DNAH2: variants seen among roughly 807,000 people sequenced by gnomAD.
DNAH2 encodes the protein dynein axonemal heavy chain 2, also known as axonemal beta dynein heavy chain 2.
Under a neutral mutation model 523.5 loss-of-function variants are expected in DNAH2, and 323 were observed. The observed-to-expected ratio is 0.62, with a 90% CI of 0.56 to 0.68. DNAH2 has a LOEUF of 0.68. Ranked by LOEUF, DNAH2 falls within the 30% of genes least tolerant of loss-of-function variation. The probability of loss-of-function intolerance (pLI) is 0.00; values close to 1 mark genes in which losing one functional copy is unlikely to be tolerated. For synonymous variants in DNAH2, 2,093 were observed against 2,177.4 expected, an observed-to-expected ratio of 0.96 and a Z score of 1.08; for missense variants, 4,907 against 5,701.5, an observed-to-expected ratio of 0.86 and a Z score of 4.49.
chr17:7,826,028 T>C (rs977462125), intron 77 of DNAH2, among the ~76,000 whole-genome samples: 37 of 152,024 alleles, frequency 2.4e-4, no homozygotes, highest in Admixed American at 2.2e-3. Flanking sequence ...AGATATGGAG[T>C]TCAGGTATGA....
chr17:7,782,498 G>C (rs1235629551), intron 39 of DNAH2, among the ~76,000 whole-genome samples: 1 of 152,098 alleles, frequency 6.6e-6, no homozygotes, highest in Non-Finnish European at 1.5e-5. Flanking sequence ...AATTATTTCT[G>C]GAGGAATGAA....
rs953410896 is a variant in DNAH2, at chr17:7,780,966, T to C, written c.6004-76T>C. On this transcript the variant is annotated intron_variant, in intron 38 of 85. Transcript: ENST00000572933. The surrounding 1 kb of genome is among the most constrained non-coding windows in gnomAD (Gnocchi z 4.4). ...TGGTGTATCCATTGTTCTTGGCACG[T>C]GCCCCGAAGCCCTTTGGAGGTGAAA... The C allele has an allele frequency of 6.2e-7, 1 of 1,607,542 alleles. No individual in the cohort carries two copies. Among genetic ancestry groups the C allele is most frequent in the Non-Finnish European group, 8.5e-7 (1 of 1,177,456 alleles).
chr17:7,804,863 C>A (rs1240237513), intron 59 of DNAH2, 95 bp from the exon 60 acceptor site: 43 of 1,084,740 alleles, frequency 4.0e-5, no homozygotes, highest in Middle Eastern at 2.1e-4. Flanking sequence ...AAAAAAAATT[C>A]TTTAGCTTTC....
chr17:7,833,082 G>T lies in DNAH2; in HGVS notation c.12990G>T (p.Trp4330Cys), dbSNP rs1167507451. 5 of 1,613,032 alleles carry T rather than the reference G, an allele frequency of 3.1e-6. No individual in the cohort carries two copies. The highest frequency in any genetic ancestry group is 4.2e-6 in the Non-Finnish European group (5 of 1,179,896). The change falls in exon 85 of 86, where the codon TGG (tryptophan) becomes TGT (cysteine). Residue 4330 changes from tryptophan (W) to cysteine (C), a missense_variant. Trp to Cys is a radical substitution (Grantham distance 215). Around this residue, in one of 3 missense-constraint regions of DNAH2, gnomAD observed 1,851 missense variants for 2,139.4 expected, o/e 0.87. Transcript: ENST00000572933. ...NLVYPPKDGV[W>C]VRGLYLEGAG... ...CCATTTCTCCCCAGGATGGTGTCTG[G>T]GTCCGGGGCCTGTACCTGGAAGGTG...
chr17:7,831,337 G>A lies in DNAH2; in HGVS notation c.12459+23G>A, dbSNP rs1414609156. On this transcript the variant is annotated intron_variant, in intron 80 of 85. Coordinates refer to ENST00000572933, the MANE Select transcript of DNAH2 (RefSeq NM_020877.5). The surrounding 1 kb of genome is among the most constrained non-coding windows in gnomAD (Gnocchi z 4.2). Reference sequence around the variant, plus strand: ...AAGGTAAAAAGAGCCGGGCCTGGGGGAGGGAAAGTGATGAGAAGAGGGGGC... The same window carrying A: ...AAGGTAAAAAGAGCCGGGCCTGGGGAAGGGAAAGTGATGAGAAGAGGGGGC... The A allele has an allele frequency of 1.9e-6, 3 of 1,613,856 alleles. No homozygotes were observed. The highest frequency in any genetic ancestry group is 2.5e-6 in the Non-Finnish European group (3 of 1,179,956).
intron 22 of DNAH2, 142 bp downstream of exon 22, chr17:7,766,623 A>C: frequency 1.4e-6 from 1 of 695,646 alleles, no homozygotes. Context: ...GGTAAAATTC[A>C]TACAACAAAA....
chr17:7,805,248 C>T lies in DNAH2; in HGVS notation c.9301-4C>T. 1 of 1,614,134 alleles carries T rather than the reference C, an allele frequency of 6.2e-7. No individual in the cohort carries two copies. Among genetic ancestry groups the T allele is most frequent in the Non-Finnish European group, 8.5e-7 (1 of 1,180,016 alleles). On this transcript the variant is annotated splice_region_variant and splice_polypyrimidine_tract_variant and intron_variant, in intron 60 of 85. Coordinates refer to ENST00000572933, the MANE Select transcript of DNAH2 (RefSeq NM_020877.5). Reference sequence around the variant, plus strand: ...TACCCTCACTTTATCCCCTTTTCCCCCAGGCCCTGGAGTCTCTGAACAAGA... The same window carrying T: ...TACCCTCACTTTATCCCCTTTTCCCTCAGGCCCTGGAGTCTCTGAACAAGA...
chr17:7,825,228 A>G (rs993133828), intron 77 of DNAH2, among the ~76,000 whole-genome samples: 2 of 152,098 alleles, frequency 1.3e-5, no homozygotes, highest in African/African-American at 4.8e-5. Context: ...CAATATCACA[A>G]GCTCATCACC....
chr17:7,830,482 C>A lies in DNAH2; in HGVS notation c.12036C>A (p.Ser4012=). ...ACATCATCTATGGCTTCAATGACTCCGACTTTGAGGTTTGCATTAGCCAGG... is the reference window on the plus strand; with the variant it reads ...ACATCATCTATGGCTTCAATGACTCAGACTTTGAGGTTTGCATTAGCCAGG... ...GWNIIYGFND[S]DFEVSENLLS... The change falls in exon 78 of 86, where the codon TCC becomes TCA. Residue 4012 remains serine (S), a synonymous_variant. Coordinates refer to ENST00000572933, the MANE Select transcript of DNAH2 (RefSeq NM_020877.5). 1 of 1,614,082 alleles carries A rather than the reference C, an allele frequency of 6.2e-7. No individual in the cohort carries two copies. The highest frequency in any genetic ancestry group is 2.2e-5 in the East Asian group (1 of 44,892).
In DNAH2 at chr17:7,786,133, A is replaced by G. The variant is rs761655714; in HGVS notation, c.6139A>G (p.Thr2047Ala). Residue 2047 changes from threonine (T) to alanine (A), a missense_variant, in exon 40 of 86, where the codon ACC becomes GCC. By Grantham distance (58) the Thr-to-Ala change is moderately conservative. Around this residue, in one of 3 missense-constraint regions of DNAH2, gnomAD observed 2,806 missense variants for 3,190.8 expected, o/e 0.88. Transcript: ENST00000572933. The surrounding 1 kb of genome is among the most constrained non-coding windows in gnomAD (Gnocchi z 7.5). Reference sequence around the variant, plus strand: ...TTTTCCCTTCCCTCAGCTGCGGGAGACCGTTGAGCAGGAGATTCGAGACAT... The same window carrying G: ...TTTTCCCTTCCCTCAGCTGCGGGAGGCCGTTGAGCAGGAGATTCGAGACAT... ...PVIDYGKLRE[T>A]VEQEIRDMGL... The G allele has an allele frequency of 2.5e-6, 4 of 1,613,454 alleles. No individual in the cohort carries two copies. Among genetic ancestry groups the G allele is most frequent in the Non-Finnish European group, 3.4e-6 (4 of 1,179,918 alleles).
Position 7,734,663 on chromosome 17 carries a change from G to A in DNAH2, c.933G>A (p.Lys311=). 6.2e-7 allele frequency: 1 copy of A among 1,613,036 alleles called. No individual in the cohort carries two copies. Among genetic ancestry groups the A allele is most frequent in the East Asian group, 2.2e-5 (1 of 44,818 alleles). ...KHVESILHLA[K]SSYLAPFMKL... ...TTGAATCCATCCTGCACCTTGCCAA[G>A]TCGTCCTACTTGGCGCCCTTTATGA... Residue 311 remains lysine (K), a synonymous_variant, in exon 7 of 86, where the codon AAG becomes AAA. Transcript: ENST00000572933.
rs755632451 is a variant in DNAH2, at chr17:7,779,400, G to A, written c.5699G>A (p.Gly1900Glu). The change falls in exon 36 of 86, where the codon GGG becomes GAG. Residue 1900 changes from glycine to glutamate, a missense_variant. Gly to Glu is a moderately conservative substitution (Grantham distance 98). Around this residue, in one of 3 missense-constraint regions of DNAH2, gnomAD observed 2,806 missense variants for 3,190.8 expected, o/e 0.88. Coordinates refer to ENST00000572933, the MANE Select transcript of DNAH2 (RefSeq NM_020877.5). ...GFEINLVWSC[G>E]IFITMNPGYA... is the part of the protein sequence containing the mutation. ...GAAATAAATCTGGTGTGGTCCTGTG[G>A]GATCTTCATTACCATGAATCCTGGT... 1 of 1,613,732 alleles carries A rather than the reference G, an allele frequency of 6.2e-7. No individual in the cohort carries two copies. The highest frequency in any genetic ancestry group is 1.3e-5 in the African/African-American group (1 of 74,918).
intron 35 of DNAH2, among the ~76,000 whole-genome samples, chr17:7,779,030 C>G (rs1008793176): frequency 6.6e-6 from 1 of 152,150 alleles, no homozygotes; most frequent in Non-Finnish European, 1.5e-5. Context: ...TCTTTCCAAC[C>G]CACACCTTTT....
intron 44 of DNAH2, among the ~76,000 whole-genome samples, chr17:7,789,360 G>A (rs2076833766): frequency 6.6e-6 from 1 of 152,112 alleles, no homozygotes. Context: ...CTGGCAGGGC[G>A]GGCCGAGCTG....
intron 12 of DNAH2, 71 bp downstream of exon 12, chr17:7,743,213 C>T (rs769640058): frequency 1.4e-6 from 2 of 1,388,682 alleles, no homozygotes; most frequent in Non-Finnish European, 2.0e-6. Context: ...TCACTCCCAT[C>T]TTTTGACTCC....
intron 5 of DNAH2, 114 bp from the exon 6 acceptor site, chr17:7,734,069 C>T: frequency 1.2e-6 from 1 of 843,288 alleles, no homozygotes; most frequent in East Asian, 2.7e-5. Context: ...CTTCTACCTG[C>T]TCTCCTGAAA....
rs1412336593 is a variant in DNAH2 at position 7,792,723 on chromosome 17, C to A, written c.7212C>A (p.Ser2404Arg). The A allele has an allele frequency of 1.2e-6, 2 of 1,614,076 alleles. No individual in the cohort carries two copies. Among genetic ancestry groups the A allele is most frequent in the Non-Finnish European group, 1.7e-6 (2 of 1,180,036 alleles). ...DTVRYNYLVS[S>R]LVANQNPILL... ...TTCGCTACAACTACCTGGTGAGCAG[C>A]TTGGTGGCCAACCAGAATCCCATTC... Residue 2404 changes from serine to arginine, a missense_variant, in exon 47 of 86, where the codon AGC (serine) becomes AGA (arginine). By Grantham distance (110) the Ser-to-Arg change is moderately radical. This residue lies in a region of DNAH2 where 2,806 missense variants were observed against 3,190.8 expected (regional missense o/e 0.88). Transcript: ENST00000572933.
At chr17:7,815,228 A>G (rs2077626569) in intron 63 of DNAH2, among the ~76,000 whole-genome samples, 1 of 152,194 alleles carries the variant, frequency 6.6e-6, no homozygotes, top group South Asian at 2.1e-4. Context: ...AGCCCACATC[A>G]CCCTTACCTG....
chr17:7,817,138 C>A, intron 64 of DNAH2, 152 bp from the exon 65 acceptor site: 1 of 1,062,964 alleles, frequency 9.4e-7, no homozygotes, highest in Non-Finnish European at 1.3e-6. Flanking sequence ...TAATTAGAAC[C>A]AGGCTAGAGT....
Sources: gnomAD v4.1 joint callset for allele counts (sites outside exome capture counted in the v4.1 genomes callset) on GRCh38, gnomAD v4.1.1 for gene constraint, gnomAD v4.1.1 regional missense constraint, Gnocchi (gnomAD v3.1) non-coding constraint, MANE v1.5 for transcripts, NCBI Gene and HGNC (gene_info 2026-07-23, HGNC 2026-07-21) for gene names.